The following NOVA1 variants were observed in gnomAD, a reference collection of about 807,000 sequenced individuals.
NOVA1 encodes the protein NOVA alternative splicing regulator 1.
In NOVA1, 7 loss-of-function variants were observed where a neutral mutation model predicts 38.0. The ratio of observed to expected loss-of-function variants is 0.18; its 90% CI spans 0.10 to 0.35. The LOEUF (loss-of-function observed/expected upper bound fraction) is 0.35. Among genes scored for constraint, NOVA1 ranks in the 10% least tolerant of loss-of-function variants. NOVA1 has a pLI of 1.00. For missense variants in NOVA1, 460 were observed against 616.0 expected, an observed-to-expected ratio of 0.75 and a Z score of 2.68; for synonymous variants, 270 against 232.5, an observed-to-expected ratio of 1.16 and a Z score of -1.47.
intron 2 of NOVA1, chr14:26,519,564 AG>A (rs1328908219): frequency 6.6e-6 from 1 of 152,180 alleles, no homozygotes; most frequent in Non-Finnish European, 1.5e-5. Context: ...CCTATGCAAA[AG>A]AAGTAGAAAA....
At chr14:26,501,012 T>A (rs1443071124) in intron 2 of NOVA1, among the ~76,000 whole-genome samples, 1 of 152,026 alleles carries the variant, frequency 6.6e-6, no homozygotes, top group East Asian at 1.9e-4. Flanking sequence ...TTTAGTTTTT[T>A]ATCAACAAAC....
At chr14:26,567,257 G>A (rs1329009620) in intron 2 of NOVA1, among the ~76,000 whole-genome samples, 3 of 138,224 alleles carry the variant, frequency 2.2e-5, no homozygotes, top group Admixed American at 7.2e-5. Flanking sequence ...TCTGTTATAT[G>A]TATTATCCTA....
At chr14:26,458,347 T>G (rs912950623) in intron 4 of NOVA1, among the ~76,000 whole-genome samples, 3 of 151,934 alleles carry the variant, frequency 2.0e-5, no homozygotes, top group Non-Finnish European at 4.4e-5. Flanking sequence ...CAAAGGAAAA[T>G]AAATCACTTT....
At chr14:26,449,785 A>G (rs1882480614) in intron 4 of NOVA1, among the ~76,000 whole-genome samples, 2 of 152,106 alleles carry the variant, frequency 1.3e-5, no homozygotes, top group African/African-American at 4.8e-5. Context: ...AAATGGTACT[A>G]CCATATTTTC....
At chr14:26,587,692 A>G (rs1893611987) in intron 2 of NOVA1, among the ~76,000 whole-genome samples, 1 of 151,288 alleles carries the variant, frequency 6.6e-6, no homozygotes, top group East Asian at 1.9e-4. Flanking sequence ...AACCACTTCA[A>G]AACCAGGTAT....
chr14:26,550,534 T>C (rs960833819), intron 2 of NOVA1, among the ~76,000 whole-genome samples: 2 of 152,156 alleles, frequency 1.3e-5, no homozygotes, highest in Non-Finnish European at 2.9e-5. Flanking sequence ...TACCACATTC[T>C]GCTTTTACTA....
Position 26,572,545 on chromosome 14 carries a change from T to C in NOVA1, c.280+22865A>G, listed in dbSNP as rs143161692. On this transcript the variant is annotated intron_variant, in intron 2 of 4. Transcript: ENST00000539517. Reference sequence around the variant, plus strand: ...GTCAATAAAGGTGACATGGTCTTCATCATTTTTGTAGCACTTATAGTCTAG... The same window carrying C: ...GTCAATAAAGGTGACATGGTCTTCACCATTTTTGTAGCACTTATAGTCTAG... Among the ~76,000 whole-genome samples the C allele has an allele frequency of 2.5e-3, 377 of 152,322 alleles. 3 individuals carry two copies. Among genetic ancestry groups the C allele is most frequent in the African/African-American group, 8.1e-3 (335 of 41,580 alleles).
At chr14:26,584,148 A>C (rs2138781139) in intron 2 of NOVA1, among the ~76,000 whole-genome samples, 1 of 151,446 alleles carries the variant, frequency 6.6e-6, no homozygotes, top group South Asian at 2.1e-4. Flanking sequence ...ACTGTCCTCC[A>C]CCTTTTTTTT....
intron 2 of NOVA1, among the ~76,000 whole-genome samples, chr14:26,571,458 A>C (rs1892466931): frequency 2.6e-5 from 4 of 152,174 alleles, no homozygotes; most frequent in Admixed American, 2.6e-4. Context: ...AATAAAGAGA[A>C]ATAACAGGAA....
chr14:26,597,048 T>C (rs1894237880), intron 1 of NOVA1: 1 of 1,224,584 alleles, frequency 8.2e-7, no homozygotes, highest in South Asian at 4.0e-5. Flanking sequence ...GAAAGATAGG[T>C]CTATTCCGAA....
chr14:26,548,661 C>A (rs776188490), intron 2 of NOVA1, among the ~76,000 whole-genome samples: 7 of 152,048 alleles, frequency 4.6e-5, no homozygotes, highest in Non-Finnish European at 1.0e-4. Context: ...ACATGCCAAA[C>A]TATTACTAAA....
intron 2 of NOVA1, among the ~76,000 whole-genome samples, chr14:26,530,982 A>T (rs114478148): frequency 0.022 from 3,384 of 152,278 alleles, 104 homozygotes; most frequent in African/African-American, 0.068. Context: ...GTGAAGAGAC[A>T]TTAATATGTA....
At chr14:26,527,721 T>C (rs1253243722) in intron 2 of NOVA1, among the ~76,000 whole-genome samples, 1 of 152,082 alleles carries the variant, frequency 6.6e-6, no homozygotes, top group African/African-American at 2.4e-5. Context: ...TCCATTGTCA[T>C]CTCTATCCAC....
chr14:26,562,666 T>A (rs945232649), intron 2 of NOVA1, among the ~76,000 whole-genome samples: 1 of 152,044 alleles, frequency 6.6e-6, no homozygotes, highest in Admixed American at 6.6e-5. Context: ...AATGCTAATA[T>A]CAACAGCAAG....
intron 2 of NOVA1, among the ~76,000 whole-genome samples, chr14:26,541,025 G>A (rs908870169): frequency 6.6e-5 from 10 of 152,050 alleles, no homozygotes; most frequent in Non-Finnish European, 1.2e-4. Flanking sequence ...AAATATTTAG[G>A]ATCCAGAAAA....
At chr14:26,479,505 T>C (rs1885256855) in intron 3 of NOVA1, 1 of 154,380 alleles carries the variant, frequency 6.5e-6, no homozygotes, top group African/African-American at 2.4e-5. Context: ...ATAAATTTAC[T>C]ATACATTTTT....
chr14:26,571,414 C>T (rs76445845), intron 2 of NOVA1, among the ~76,000 whole-genome samples: 14 of 152,242 alleles, frequency 9.2e-5, no homozygotes, highest in South Asian at 6.2e-4. Context: ...TCAGACTTAA[C>T]GATGTTCTCT....
chr14:26,455,610 T>C (rs991749371), intron 4 of NOVA1, among the ~76,000 whole-genome samples: 3 of 152,026 alleles, frequency 2.0e-5, no homozygotes, highest in African/African-American at 7.2e-5. Flanking sequence ...ATTTAACACA[T>C]TATTTCACTT....
chr14:26,479,951 CTT>C (rs759788737), intron 3 of NOVA1, 24 bp downstream of exon 3: 1 of 1,610,174 alleles, frequency 6.2e-7, no homozygotes, highest in South Asian at 1.1e-5. Flanking sequence ...GGATATTTCT[CTT>C]TGATTTCTCA....
Sources: allele counts gnomAD v4.1 joint callset (sites outside exome capture counted in the v4.1 genomes callset), GRCh38; gene constraint gnomAD v4.1.1; transcripts MANE v1.5; gene names NCBI Gene and HGNC (gene_info 2026-07-23, HGNC 2026-07-21).